GNAI3: variants seen among roughly 807,000 people sequenced by gnomAD.
GNAI3 encodes the protein G protein subunit alpha i3, also known as guanine nucleotide-binding protein G(i) subunit alpha-3.
GNAI3 carries 12 observed loss-of-function variants against 41.8 expected under a neutral mutation model. The observed-to-expected ratio is 0.29, with a 90% CI of 0.18 to 0.47. The LOEUF is 0.47. Ranked by LOEUF, GNAI3 falls within the 20% of genes least tolerant of loss-of-function variation. The probability of loss-of-function intolerance (pLI) is 1.00; values close to 1 mark genes in which losing one functional copy is unlikely to be tolerated. For missense variants in GNAI3, 360 were observed against 429.6 expected (o/e 0.84, Z 1.43); for synonymous variants, 132 against 146.5 (o/e 0.90, Z 0.71).
chr1:109,567,601 A>G (rs1186891079), intron 1 of GNAI3, among the ~76,000 whole-genome samples: 1 of 152,236 alleles, frequency 6.6e-6, no homozygotes, highest in African/African-American at 2.4e-5. Flanking sequence ...GTGTGAATTC[A>G]GATTCTATCT....
At chr1:109,586,943 G>T in intron 7 of GNAI3, 61 bp downstream of exon 7, 1 of 1,174,110 alleles carries the variant, frequency 8.5e-7, no homozygotes, top group South Asian at 1.3e-5. Flanking sequence ...ACACTTTGGT[G>T]GCATTCATAA....
chr1:109,559,952 C>T (rs1003016591), intron 1 of GNAI3, among the ~76,000 whole-genome samples: 2 of 152,146 alleles, frequency 1.3e-5, no homozygotes, highest in Admixed American at 6.5e-5. Context: ...TCATGACTTT[C>T]TGTTAAGTTG....
intron 1 of GNAI3, among the ~76,000 whole-genome samples, chr1:109,571,715 C>T (rs866960235): frequency 2.0e-5 from 3 of 152,020 alleles, no homozygotes; most frequent in East Asian, 3.9e-4. Context: ...CCCAGGAGTT[C>T]GAGAGCAGCC....
At chr1:109,582,862 A>G (rs898363627) in intron 5 of GNAI3, among the ~76,000 whole-genome samples, 2 of 152,158 alleles carry the variant, frequency 1.3e-5, no homozygotes, top group African/African-American at 2.4e-5. Flanking sequence ...TATTATTTTC[A>G]GCTGCTTTTT....
Position 109,579,230 on chromosome 1 carries a change from A to G in GNAI3, c.330A>G (p.Leu110=). The G allele has an allele frequency of 6.2e-7, 1 of 1,612,782 alleles. No homozygotes were observed. Among genetic ancestry groups the G allele is most frequent in the Non-Finnish European group, 8.5e-7 (1 of 1,179,316 alleles). Reference sequence around the variant, plus strand: ...ATGATGCCCGGCAATTATTTGTTTTAGCTGGCAGTGCTGAAGAAGGAGTCA... The same window carrying G: ...ATGATGCCCGGCAATTATTTGTTTTGGCTGGCAGTGCTGAAGAAGGAGTCA... ...RADDARQLFV[L]AGSAEEGVMT... Residue 110 remains leucine (L), a synonymous_variant, in exon 4 of 9, where the codon TTA becomes TTG. Transcript: ENST00000369851.
rs992108101 is a variant in GNAI3, at chr1:109,598,822, C to A, written c.*6500C>A. ...GTTTTCATGCTTTTACCTAGCAGGACCACCAGAGGCTCTGTCACACTTGCA... is the reference window on the plus strand; with the variant it reads ...GTTTTCATGCTTTTACCTAGCAGGAACACCAGAGGCTCTGTCACACTTGCA... On this transcript the variant is annotated 3_prime_UTR_variant, in exon 9 of 9. Transcript: ENST00000369851. The A allele has an allele frequency of 7.7e-6, 4 of 517,076 alleles. No individual in the cohort carries two copies. The highest frequency in any genetic ancestry group is 3.9e-5 in the Admixed American group (2 of 51,218). The allele number at this position is 517,076 out of a possible 1,614,324, so 32.0% of individuals were successfully genotyped here.
In GNAI3 at chr1:109,592,829, GTTT is replaced by G. The variant is rs927647369; in HGVS notation, c.*510_*512del. The G allele has an allele frequency of 2.6e-5, 4 of 152,658 alleles. No individual in the cohort carries two copies. The East Asian group carries it at 7.7e-4, about 29-fold the overall frequency. The allele number at this position is 152,658 out of a possible 1,614,324, so 9.5% of individuals were successfully genotyped here. ...TATTCCTCTTTAGTAGGAACTCTTT[GTTT>G]TTAACTCTTGGTATGGTCAGAATAT... On this transcript the variant is annotated 3_prime_UTR_variant, in exon 9 of 9. Transcript: ENST00000369851.
intron 5 of GNAI3, among the ~76,000 whole-genome samples, chr1:109,584,462 A>C (rs1409472225): frequency 6.6e-6 from 1 of 152,214 alleles, no homozygotes; most frequent in Non-Finnish European, 1.5e-5. Context: ...TGGTGTTGTT[A>C]TATAAATCAG....
At chr1:109,590,497 A>G (rs1280421460) in intron 7 of GNAI3, among the ~76,000 whole-genome samples, 2 of 152,100 alleles carry the variant, frequency 1.3e-5, no homozygotes, top group African/African-American at 4.8e-5. Context: ...GTTGTTTTCC[A>G]GATTTTAAGA....
In GNAI3 at chr1:109,582,475, A is replaced by G; in HGVS notation, c.500A>G (p.Tyr167Cys). The G allele has an allele frequency of 6.3e-7, 1 of 1,598,426 alleles. No individual in the cohort carries two copies. Among genetic ancestry groups the G allele is most frequent in the Non-Finnish European group, 8.6e-7 (1 of 1,165,628 alleles). ...NDLDRISQSN[Y>C]IPTQQDVLRT... Reference sequence around the variant, plus strand: ...CTGGATAGAATATCCCAGTCTAACTACATTCCAACTCAGCAAGATGTTCTT... The same window carrying G: ...CTGGATAGAATATCCCAGTCTAACTGCATTCCAACTCAGCAAGATGTTCTT... Residue 167 changes from tyrosine to cysteine, a missense_variant, in exon 5 of 9, where the codon TAC (tyrosine) becomes TGC (cysteine). Coordinates refer to ENST00000369851, the MANE Select transcript of GNAI3 (RefSeq NM_006496.4).
chr1:109,584,301 T>G (rs538357098), intron 5 of GNAI3, among the ~76,000 whole-genome samples: 1 of 152,346 alleles, frequency 6.6e-6, no homozygotes, highest in African/African-American at 2.4e-5. Context: ...CTGCTTATCT[T>G]TAGTACTGAT....
chr1:109,578,470 C>CA lies in GNAI3; in HGVS notation c.304-713dup, dbSNP rs35519193. ...GAGTGACAAGAGCGAAACTCCGTCT[C>CA]AAAAAAAAAAAAAAAAAAAAAGAAA... On this transcript the variant is annotated intron_variant, in intron 3 of 8. Transcript: ENST00000369851. Among the ~76,000 whole-genome samples, 687 of 84,164 alleles carry CA rather than the reference C, an allele frequency of 8.2e-3. 14 individuals are homozygous for CA. The highest frequency in any genetic ancestry group is 0.023 in the African/African-American group (507 of 21,648). 55.2% of individuals were successfully genotyped at this position (84,164 alleles called of 152,430 possible).
chr1:109,563,050 C>T (rs188357977), intron 1 of GNAI3, among the ~76,000 whole-genome samples: 2 of 152,242 alleles, frequency 1.3e-5, no homozygotes, highest in East Asian at 3.9e-4. Context: ...ATCAAAATGG[C>T]TTTTTGCTGC....
At chr1:109,557,537 T>G (rs1648189022) in intron 1 of GNAI3, among the ~76,000 whole-genome samples, 1 of 152,166 alleles carries the variant, frequency 6.6e-6, no homozygotes, top group South Asian at 2.1e-4. Context: ...TTCATAGGTG[T>G]TAGACATTCA....
At chr1:109,558,631 A>G (rs1232373649) in intron 1 of GNAI3, among the ~76,000 whole-genome samples, 1 of 151,788 alleles carries the variant, frequency 6.6e-6, no homozygotes, top group African/African-American at 2.4e-5. Flanking sequence ...TTTTTGTGCT[A>G]ATTTTTCCTC....
In GNAI3 at chr1:109,548,856, G is replaced by A. The variant is rs1647899094; in HGVS notation, c.118+18G>A. 6 of 1,494,128 alleles carry A rather than the reference G, an allele frequency of 4.0e-6. No homozygotes were observed. The highest frequency in any genetic ancestry group is 5.6e-6 in the Non-Finnish European group (6 of 1,073,854). 92.6% of individuals were successfully genotyped at this position (1,494,128 alleles called of 1,614,324 possible). On this transcript the variant is annotated intron_variant, in intron 1 of 8. Transcript: ENST00000369851. ...GCTACTCGGTGAGGGGCTGGAGGCG[G>A]GGACTGAGTGGTGGTCGGGAGAGCC... is the stretch of plus-strand genomic sequence containing the variant.
rs536456879 is a variant in GNAI3 at position 109,598,452 on chromosome 1, T to C, written c.*6130T>C. 1 of 154,764 alleles carries C rather than the reference T, an allele frequency of 6.5e-6. No homozygotes were observed. Among genetic ancestry groups the C allele is most frequent in the Middle Eastern group, 3.4e-3 (1 of 294 alleles). The allele number at this position is 154,764 out of a possible 1,614,324, so 9.6% of individuals were successfully genotyped here. A position where few individuals can be genotyped will look rare whatever the true frequency, so the allele number is the denominator to read the frequency against. On this transcript the variant is annotated 3_prime_UTR_variant, in exon 9 of 9. Coordinates refer to ENST00000369851, the MANE Select transcript of GNAI3 (RefSeq NM_006496.4). ...CCTTCCTGCTGTGATATTCTGTGGT[T>C]CTCATCAGATAGAAATAACATATTT...
intron 1 of GNAI3, among the ~76,000 whole-genome samples, chr1:109,549,328 A>G (rs184470483): frequency 2.2e-4 from 34 of 152,286 alleles, no homozygotes; most frequent in Non-Finnish European, 4.9e-4. Context: ...ATGGTCACAT[A>G]AGGACGTTGA....
intron 5 of GNAI3, among the ~76,000 whole-genome samples, chr1:109,584,115 A>G (rs1416499389): frequency 6.6e-6 from 1 of 152,178 alleles, no homozygotes; most frequent in Non-Finnish European, 1.5e-5. Flanking sequence ...TACTACCTCA[A>G]ATCCTCTCAG....
Sources: gnomAD v4.1 joint callset for allele counts (sites outside exome capture counted in the v4.1 genomes callset) on GRCh38, gnomAD v4.1.1 for gene constraint, MANE v1.5 for transcripts, NCBI Gene and HGNC (gene_info 2026-07-23, HGNC 2026-07-21) for gene names.